The following GRIK1 variants were observed in gnomAD, a reference collection of about 807,000 sequenced individuals.
GRIK1 encodes the protein glutamate receptor ionotropic, kainate 1.
A neutral mutation model predicts 105.7 loss-of-function variants in GRIK1; 69 were observed. The observed-to-expected ratio is 0.65, with a 90% CI of 0.54 to 0.80. The LOEUF (loss-of-function observed/expected upper bound fraction) is 0.80. GRIK1 is among the 30% of genes least tolerant of loss of function. The probability of loss-of-function intolerance (pLI) is 0.00; values close to 1 mark genes in which losing one functional copy is unlikely to be tolerated. For missense variants in GRIK1, 1,109 were observed against 1,167.3 expected (o/e 0.95, Z 0.73); for synonymous variants, 438 against 431.3 (o/e 1.02, Z -0.19).
At chr21:29,719,460 A>G (rs1352421662) in intron 1 of GRIK1, among the ~76,000 whole-genome samples, 3 of 152,166 alleles carry the variant, frequency 2.0e-5, no homozygotes, top group African/African-American at 7.2e-5. Flanking sequence ...TATCTTCATC[A>G]GTTTCTACAT....
At chr21:29,705,172 G>A (rs1284498646) in intron 1 of GRIK1, among the ~76,000 whole-genome samples, 2 of 152,174 alleles carry the variant, frequency 1.3e-5, no homozygotes, top group African/African-American at 4.8e-5. Flanking sequence ...TTGCTGAGAA[G>A]AAGATATTGC....
At chr21:29,679,280 C>T (rs1444043494) in intron 3 of GRIK1, among the ~76,000 whole-genome samples, 2 of 152,160 alleles carry the variant, frequency 1.3e-5, no homozygotes, top group East Asian at 1.9e-4. Flanking sequence ...TGATGACTAA[C>T]AACTAACTCT....
chr21:29,603,360 A>C (rs184875685), intron 7 of GRIK1, among the ~76,000 whole-genome samples: 28 of 152,186 alleles, frequency 1.8e-4, no homozygotes, highest in African/African-American at 6.7e-4. Flanking sequence ...ATACTTCTTC[A>C]GATCCTAGTA....
intron 15 of GRIK1, among the ~76,000 whole-genome samples, chr21:29,556,572 A>C (rs1251816469): frequency 2.0e-5 from 3 of 152,002 alleles, no homozygotes; most frequent in Admixed American, 6.6e-5. Flanking sequence ...TCTTCTTCTG[A>C]GGGGGAGTAA....
At chr21:29,864,114 C>A (rs1014337409) in intron 1 of GRIK1, among the ~76,000 whole-genome samples, 1 of 150,558 alleles carries the variant, frequency 6.6e-6, no homozygotes, top group African/African-American at 2.4e-5. Flanking sequence ...TTTTTTTTTC[C>A]AAGACAAGAT....
chr21:29,846,461 G>GAA (rs1569154544), intron 1 of GRIK1, among the ~76,000 whole-genome samples: 132 of 129,120 alleles, frequency 1.0e-3, no homozygotes, highest in South Asian at 1.5e-3. Flanking sequence ...AGGAAAGAGA[G>GAA]AGAGAAAGAA....
intron 1 of GRIK1, among the ~76,000 whole-genome samples, chr21:29,933,290 G>A (rs2071635678): frequency 6.6e-6 from 1 of 152,164 alleles, no homozygotes. Flanking sequence ...GCTGCAGGAT[G>A]TATGGTCATG....
intron 12 of GRIK1, among the ~76,000 whole-genome samples, chr21:29,583,105 C>A (rs1353549166): frequency 6.6e-6 from 1 of 152,090 alleles, no homozygotes; most frequent in Non-Finnish European, 1.5e-5. Context: ...TAGTTTATGC[C>A]AGCATAATGG....
intron 1 of GRIK1, among the ~76,000 whole-genome samples, chr21:29,722,352 C>T (rs145958225): frequency 0.016 from 2,426 of 151,922 alleles, 66 homozygotes; most frequent in African/African-American, 0.056. Context: ...GTCAGGAGAT[C>T]GAGACCATCC....
chr21:29,559,992 G>A (rs1398008675), intron 15 of GRIK1, among the ~76,000 whole-genome samples: 1 of 151,980 alleles, frequency 6.6e-6, no homozygotes, highest in Non-Finnish European at 1.5e-5. Flanking sequence ...GCTCACTTAT[G>A]GTATCTGCTT....
intron 8 of GRIK1, 87 bp from the exon 9 acceptor site, chr21:29,596,657 G>T: frequency 1.1e-6 from 1 of 927,698 alleles, no homozygotes; most frequent in Non-Finnish European, 1.8e-6. Flanking sequence ...GTGTGTGAGT[G>T]CTTAGAGTGT....
In GRIK1 at chr21:29,600,542, T is replaced by A. The variant is rs148691659; in HGVS notation, c.1099-1605A>T. Among the ~76,000 whole-genome samples the A allele has an allele frequency of 1.1e-3, 160 of 152,324 alleles. 1 individual carries two copies. The highest frequency in any genetic ancestry group is 3.6e-3 in the African/African-American group (151 of 41,560). On this transcript the variant is annotated intron_variant, in intron 7 of 17. Transcript: ENST00000327783. ...TAGCTGTTTTTCTCCCTCTTGACTT[T>A]ACCAAATTCATTAGACATGCATAAA...
chr21:29,896,591 CAT>C (rs1370366131), intron 1 of GRIK1, among the ~76,000 whole-genome samples: 2 of 152,136 alleles, frequency 1.3e-5, no homozygotes, highest in Non-Finnish European at 2.9e-5. Flanking sequence ...ACATATAACA[CAT>C]ATCTGTCACA....
intron 1 of GRIK1, among the ~76,000 whole-genome samples, chr21:29,882,331 T>G (rs1440609219): frequency 6.6e-6 from 1 of 152,158 alleles, no homozygotes; most frequent in Non-Finnish European, 1.5e-5. Flanking sequence ...CTTAATGTAT[T>G]TTTAAACGTT....
Position 29,866,476 on chromosome 21 carries a change from T to G in GRIK1, c.118+72907A>C, listed in dbSNP as rs185166391. Among the ~76,000 whole-genome samples the G allele has an allele frequency of 8.5e-4, 130 of 152,324 alleles. 1 individual carries two copies. The highest frequency in any genetic ancestry group is 2.9e-3 in the African/African-American group (122 of 41,580). ...GTGGAATGGAAGTTAGAAACAAAAT[T>G]TCTACTTTTCAATTTAGCCCATTAG... On this transcript the variant is annotated intron_variant, in intron 1 of 17. Transcript: ENST00000327783.
At chr21:29,693,420 G>T (rs1485984123) in intron 2 of GRIK1, among the ~76,000 whole-genome samples, 1 of 152,166 alleles carries the variant, frequency 6.6e-6, no homozygotes, top group African/African-American at 2.4e-5. Context: ...ATATTTCTAT[G>T]ATTTTGTGGA....
chr21:29,873,225 A>T (rs2069080202), intron 1 of GRIK1, among the ~76,000 whole-genome samples: 1 of 152,192 alleles, frequency 6.6e-6, no homozygotes, highest in South Asian at 2.1e-4. Flanking sequence ...CATGATGTAC[A>T]TTTCCTATAA....
chr21:29,681,244 G>C (rs2063369025), intron 3 of GRIK1, among the ~76,000 whole-genome samples: 1 of 152,226 alleles, frequency 6.6e-6, no homozygotes, highest in Non-Finnish European at 1.5e-5. Context: ...GATGAGTAGA[G>C]ACTACTGCAG....
intron 1 of GRIK1, among the ~76,000 whole-genome samples, chr21:29,775,267 C>T (rs1446651833): frequency 1.4e-5 from 2 of 139,704 alleles, no homozygotes; most frequent in East Asian, 4.1e-4. Context: ...CAGAGTGAGC[C>T]TCTGTCTCAA....
Sources: allele counts gnomAD v4.1 joint callset (sites outside exome capture counted in the v4.1 genomes callset), GRCh38; gene constraint gnomAD v4.1.1; transcripts MANE v1.5; gene names NCBI Gene and HGNC (gene_info 2026-07-23, HGNC 2026-07-21).